The following FRMPD3 variants were observed in gnomAD, a reference collection of about 807,000 sequenced individuals.
The protein encoded by FRMPD3 is FERM and PDZ domain-containing protein 3.
Under a neutral mutation model 97.9 loss-of-function variants are expected in FRMPD3, and 42 were observed. That is an observed-to-expected ratio of 0.43 (90% confidence interval 0.34 to 0.55). The LOEUF is 0.55. Ranked by LOEUF, FRMPD3 falls within the 20% of genes least tolerant of loss-of-function variation. FRMPD3 has a pLI of 0.03. For missense variants in FRMPD3, 1,303 were observed against 1,457.7 expected, an observed-to-expected ratio of 0.89 and a Z score of 1.73; for synonymous variants, 577 against 581.1, an observed-to-expected ratio of 0.99 and a Z score of 0.10.
rs769126912 is a variant in FRMPD3, at chrX:107,598,026, G to C, written c.2147G>C (p.Arg716Pro). The C allele has an allele frequency of 1.7e-6, 2 of 1,210,464 alleles. No individual in the cohort carries two copies. Among genetic ancestry groups the C allele is most frequent in the Non-Finnish European group, 2.2e-6 (2 of 895,287 alleles). ...PVTLIDSVQT[R>P]TVRDHAQELD... ...ACATTGATTGACAGTGTGCAGACCCGGACAGTTCGAGATCATGCCCAGGAG... is the reference window on the plus strand; with the variant it reads ...ACATTGATTGACAGTGTGCAGACCCCGACAGTTCGAGATCATGCCCAGGAG... The change falls in exon 14 of 15, where the codon CGG becomes CCG. Residue 716 changes from arginine to proline, a missense_variant. Coordinates refer to ENST00000683843, the MANE Select transcript of FRMPD3 (RefSeq NM_001388459.1).
chrX:107,502,485 C>T (rs1024994008), intron 1 of FRMPD3, among the ~76,000 whole-genome samples: 2 of 111,077 alleles, frequency 1.8e-5, no homozygotes, highest in Non-Finnish European at 3.8e-5. Flanking sequence ...GGATCCAGGA[C>T]ACAGGGCTGA....
chrX:107,459,387 G>A (rs1931428606), intron 1 of FRMPD3, among the ~76,000 whole-genome samples: 1 of 112,492 alleles, frequency 8.9e-6, no homozygotes, highest in Admixed American at 9.3e-5. Flanking sequence ...AGTATGGCAA[G>A]AGCTACCACA....
chrX:107,501,661 T>A (rs890830884), intron 1 of FRMPD3, among the ~76,000 whole-genome samples: 1 of 104,329 alleles, frequency 9.6e-6, no homozygotes, highest in African/African-American at 3.5e-5. Flanking sequence ...TATGACTGCT[T>A]ACACAATAGT....
At position 107,530,479 on chromosome X, in the gene FRMPD3, A is replaced by AG; in HGVS notation, c.220dup (p.Ala74GlyfsTer14). On this transcript the variant is annotated frameshift_variant, in exon 3 of 15. Transcript: ENST00000683843. LOFTEE classifies it high-confidence loss of function. Reference sequence around the variant, plus strand: ...CTATTAATGAGGAAGACGTGAGTGAAGCCCCGAGGGAGAGACTCATAGAAC... The same window carrying AG: ...CTATTAATGAGGAAGACGTGAGTGAAGGCCCCGAGGGAGAGACTCATAGAAC... 1 of 1,194,374 alleles carries AG rather than the reference A, an allele frequency of 8.4e-7. No individual in the cohort carries two copies. The highest frequency in any genetic ancestry group is 1.1e-6 in the Non-Finnish European group (1 of 886,406).
At chrX:107,594,075 T>C (rs1924045019) in intron 13 of FRMPD3, among the ~76,000 whole-genome samples, 1 of 112,205 alleles carries the variant, frequency 8.9e-6, no homozygotes, top group East Asian at 2.8e-4. Flanking sequence ...GTAGTTTTCC[T>C]TGTAGAGGTC....
At chrX:107,551,182 T>C (rs1921846591) in intron 6 of FRMPD3, among the ~76,000 whole-genome samples, 1 of 111,885 alleles carries the variant, frequency 8.9e-6, no homozygotes, top group Non-Finnish European at 1.9e-5. Context: ...CTAAGTATTC[T>C]GCAGGGAGTG....
At chrX:107,539,905 A>C (rs1477455252) in intron 4 of FRMPD3, among the ~76,000 whole-genome samples, 1 of 110,802 alleles carries the variant, frequency 9.0e-6, no homozygotes, top group Non-Finnish European at 1.9e-5. Flanking sequence ...TTGGGGAAGG[A>C]TTGAGGATAA....
chrX:107,567,935 A>G (rs1006713343), intron 12 of FRMPD3, among the ~76,000 whole-genome samples: 8 of 110,768 alleles, frequency 7.2e-5, no homozygotes, highest in Non-Finnish European at 1.5e-4. Flanking sequence ...AAAAAAGAGG[A>G]GATGTGAAAT....
At chrX:107,595,766 G>A (rs1369812721) in intron 13 of FRMPD3, among the ~76,000 whole-genome samples, 2 of 109,335 alleles carry the variant, frequency 1.8e-5, no homozygotes, top group Middle Eastern at 4.7e-3. Flanking sequence ...GTGAAACCCC[G>A]CCTCTACCAA....
intron 1 of FRMPD3, among the ~76,000 whole-genome samples, chrX:107,474,049 C>T (rs1182163498): frequency 8.9e-6 from 1 of 112,528 alleles, no homozygotes; most frequent in Admixed American, 9.4e-5. Context: ...CACACCATTG[C>T]ACTCCAGCCT....
At chrX:107,494,661 T>C (rs981817717) in intron 1 of FRMPD3, among the ~76,000 whole-genome samples, 1 of 112,061 alleles carries the variant, frequency 8.9e-6, no homozygotes, top group Admixed American at 9.5e-5. Flanking sequence ...CTTAGCACTT[T>C]ACATACATTA....
intron 4 of FRMPD3, among the ~76,000 whole-genome samples, chrX:107,539,784 A>G (rs1185317554): frequency 8.9e-6 from 1 of 111,765 alleles, no homozygotes; most frequent in African/African-American, 3.3e-5. Flanking sequence ...AGGGGGAGAC[A>G]TATTAACATA....
At chrX:107,463,770 A>C (rs957118324) in intron 1 of FRMPD3, among the ~76,000 whole-genome samples, 1 of 112,920 alleles carries the variant, frequency 8.9e-6, no homozygotes, top group African/African-American at 3.2e-5. Flanking sequence ...GACCTCTGTT[A>C]AAATGCAAAT....
intron 4 of FRMPD3, among the ~76,000 whole-genome samples, chrX:107,538,423 G>A (rs1422922619): frequency 2.8e-5 from 3 of 108,508 alleles, no homozygotes; most frequent in Admixed American, 9.9e-5. Flanking sequence ...CATCTCATGG[G>A]TGCAAGGAGA....
intron 1 of FRMPD3, among the ~76,000 whole-genome samples, chrX:107,486,645 C>T (rs888839692): frequency 1.8e-5 from 2 of 111,747 alleles, no homozygotes; most frequent in African/African-American, 6.5e-5. Flanking sequence ...GTCAAAGAAT[C>T]GATTGACTGT....
At chrX:107,474,800 G>A (rs912736523) in intron 1 of FRMPD3, among the ~76,000 whole-genome samples, 6 of 111,394 alleles carry the variant, frequency 5.4e-5, no homozygotes, top group African/African-American at 2.0e-4. Flanking sequence ...GAAAATATGA[G>A]TTTGAAGAAA....
chrX:107,554,274 G>T, intron 7 of FRMPD3, 111 bp from the exon 8 acceptor site: 1 of 822,990 alleles, frequency 1.2e-6, no homozygotes, highest in Non-Finnish European at 1.7e-6. Context: ...GGAAACAACA[G>T]CTTAGCTCTG....
At chrX:107,451,387 G>A (rs752532563) in intron 1 of FRMPD3, among the ~76,000 whole-genome samples, 12 of 112,240 alleles carry the variant, frequency 1.1e-4, no homozygotes, top group Non-Finnish European at 2.3e-4. Context: ...GCTGGAGACC[G>A]GGGTAAATGG....
At chrX:107,455,254 G>A (rs1931355318) in intron 1 of FRMPD3, among the ~76,000 whole-genome samples, 2 of 111,516 alleles carry the variant, frequency 1.8e-5, no homozygotes, top group Admixed American at 9.5e-5. Context: ...CAACTCCTCC[G>A]TCTCTAAAAT....
Sources: gnomAD v4.1 joint callset for allele counts (sites outside exome capture counted in the v4.1 genomes callset) on GRCh38, gnomAD v4.1.1 for gene constraint, MANE v1.5 for transcripts, NCBI Gene and HGNC (gene_info 2026-07-23, HGNC 2026-07-21) for gene names.